The following MECR variants were observed in gnomAD, a reference collection of about 807,000 sequenced individuals.
The protein encoded by MECR is mitochondrial trans-2-enoyl-CoA reductase.
A neutral mutation model predicts 49.1 loss-of-function variants in MECR; 37 were observed. That is an observed-to-expected ratio of 0.75 (90% confidence interval 0.58 to 0.99). The LOEUF (loss-of-function observed/expected upper bound fraction) is 0.99, where lower values mean the gene tolerates loss of function less well. Ranked by LOEUF, MECR falls within the 50% of genes least tolerant of loss-of-function variation. The probability of loss-of-function intolerance (pLI) is 0.00; values close to 1 mark genes in which losing one functional copy is unlikely to be tolerated. For missense variants in MECR, 470 were observed against 479.6 expected (o/e 0.98, Z 0.19); for synonymous variants, 198 against 191.1 (o/e 1.04, Z -0.30).
chr1:29,174,468 G>A, the MECR span, among the ~76,000 whole-genome samples: 1 of 152,112 alleles, frequency 6.6e-6, no homozygotes, highest in Admixed American at 6.6e-5. Context: ...TTCTGATTAT[G>A]TCCATTAAAT....
Position 29,206,840 on chromosome 1 carries a change from G to A in MECR, c.472C>T (p.Leu158Phe), listed in dbSNP as rs1676714524. Reference protein sequence around the residue: ...ALIQVPSDIPLQSAATLGVNP... With the variant: ...ALIQVPSDIPFQSAATLGVNP... The stretch of plus-strand genomic sequence containing the variant: ...ACACCCAGGGTGGCAGCGCTCTGAA[G>A]AGGGATGTCACTCGGAACTTGGATC... Residue 158 changes from leucine to phenylalanine, a missense_variant, in exon 4 of 10, where the codon CTT (leucine) becomes TTT (phenylalanine). Physicochemically the swap from Leu to Phe is conservative, Grantham distance 22. Coordinates refer to ENST00000263702, the MANE Select transcript of MECR (RefSeq NM_016011.5). The A allele has an allele frequency of 6.2e-7, 1 of 1,614,228 alleles. No homozygotes were observed. Among genetic ancestry groups the A allele is most frequent in the Non-Finnish European group, 8.5e-7 (1 of 1,180,046 alleles).
downstream of MECR, among the ~76,000 whole-genome samples, chr1:29,191,955 G>A (rs187589362): frequency 1.0e-3 from 152 of 152,210 alleles, no homozygotes; most frequent in Middle Eastern, 6.8e-3. Flanking sequence ...AGCCAGGTGT[G>A]GTGGCATACA....
At position 29,201,654 on chromosome 1, in the gene MECR, G is replaced by A. The variant is rs138669092; in HGVS notation, c.756+289C>T. On this transcript the variant is annotated intron_variant, in intron 6 of 9. Coordinates refer to ENST00000263702, the MANE Select transcript of MECR (RefSeq NM_016011.5). The surrounding 1 kb of genome is among the most constrained non-coding windows in gnomAD (Gnocchi z 4.3). ...TGTTTCCTCAGGTCCTCTCCTGCCA[G>A]TTCTAAGAGTCACACATGTGGGCTG... 1.2e-3 allele frequency: 605 copies of A among 524,994 alleles called. No homozygotes were observed. The highest frequency in any genetic ancestry group is 2.5e-3 in the Admixed American group (78 of 31,680). The allele number at this position is 524,994 out of a possible 1,614,324, so 32.5% of individuals were successfully genotyped here.
chr1:29,222,706 G>T (rs1681073264), intron 1 of MECR, among the ~76,000 whole-genome samples: 3 of 152,188 alleles, frequency 2.0e-5, no homozygotes, highest in South Asian at 4.1e-4. Flanking sequence ...GAGAAGGAGA[G>T]TGAAGAGGGC....
chr1:29,182,890 A>G, the MECR span, among the ~76,000 whole-genome samples: 1 of 152,222 alleles, frequency 6.6e-6, no homozygotes, highest in Non-Finnish European at 1.5e-5. Context: ...ATGTATACCC[A>G]TCTCAAGGAT....
At chr1:29,167,784 C>CTATT in the MECR span, among the ~76,000 whole-genome samples, 1 of 152,192 alleles carries the variant, frequency 6.6e-6, no homozygotes, top group African/African-American at 2.4e-5. Context: ...TATCTGTTGG[C>CTATT]TATTTAGCAC....
At chr1:29,203,477 T>G (rs1675834484) in intron 4 of MECR, among the ~76,000 whole-genome samples, 2 of 152,234 alleles carry the variant, frequency 1.3e-5, no homozygotes, top group Non-Finnish European at 2.9e-5. Flanking sequence ...CTGGATATAA[T>G]TTAGACCCTG....
the MECR span, among the ~76,000 whole-genome samples, chr1:29,180,602 G>A: frequency 2.0e-5 from 3 of 152,162 alleles, no homozygotes; most frequent in South Asian, 6.2e-4. Flanking sequence ...TTGCAAAGTA[G>A]AGTTTCTTTT....
chr1:29,196,233 C>T lies in MECR; in HGVS notation c.856G>A (p.Gly286Arg). 6.2e-7 allele frequency: 1 copy of T among 1,613,638 alleles called. No homozygotes were observed. Among genetic ancestry groups the T allele is most frequent in the Non-Finnish European group, 8.5e-7 (1 of 1,179,654 alleles). ...ACGACGGGCTGCTTGGCCATCCCCC[C>T]ATAGGTTACCATGGTTCCTCCACGC... is the stretch of plus-strand genomic sequence containing the variant. ...LARGGTMVTY[G>R]GMAKQPVVAS... is the part of the protein sequence containing the mutation. The change falls in exon 8 of 10, where the codon GGG becomes AGG. Residue 286 changes from glycine (G) to arginine (R), a missense_variant. By Grantham distance (125) the Gly-to-Arg change is moderately radical. Transcript: ENST00000263702.
In MECR at chr1:29,201,007, G is replaced by T. The variant is rs543287980; in HGVS notation, c.757-418C>A. Among the ~76,000 whole-genome samples, 1 of 152,218 alleles carries T rather than the reference G, an allele frequency of 6.6e-6. No individual in the cohort carries two copies. The highest frequency in any genetic ancestry group is 2.1e-4 in the South Asian group (1 of 4,814). On this transcript the variant is annotated intron_variant, in intron 6 of 9. Coordinates refer to ENST00000263702, the MANE Select transcript of MECR (RefSeq NM_016011.5). This position sits in a 1 kb window ranked among gnomAD's most constrained non-coding sequence, Gnocchi z 4.3. ...ACAGAGGTCTCACTATGTTGCTCAG[G>T]CTAGTCTCAAACTCTCAGACTCAAG...
chr1:29,215,092 T>C (rs1679044125), intron 3 of MECR, among the ~76,000 whole-genome samples: 1 of 152,198 alleles, frequency 6.6e-6, no homozygotes, highest in African/African-American at 2.4e-5. Context: ...TAGCTCACTG[T>C]AGCCTAGAAC....
chr1:29,195,541 T>C (rs534698873), intron 9 of MECR, among the ~76,000 whole-genome samples: 1 of 151,690 alleles, frequency 6.6e-6, no homozygotes, highest in African/African-American at 2.4e-5. Flanking sequence ...CTAACAAGAG[T>C]TTAAACTTAG....
At chr1:29,191,927 A>G (rs895375986), downstream of MECR, among the ~76,000 whole-genome samples, 3 of 152,014 alleles carry the variant, frequency 2.0e-5, no homozygotes, top group Admixed American at 6.6e-5. Flanking sequence ...CCCCATCTCT[A>G]CTAAAAATAC....
the MECR span, chr1:29,172,156 AT>A: frequency 6.6e-6 from 1 of 152,216 alleles, no homozygotes; most frequent in Non-Finnish European, 1.5e-5. Flanking sequence ...ATAAAAAAAA[AT>A]TTGATCACAT....
chr1:29,209,596 G>T (rs1328236123), intron 3 of MECR, among the ~76,000 whole-genome samples: 1 of 152,158 alleles, frequency 6.6e-6, no homozygotes, highest in Non-Finnish European at 1.5e-5. Context: ...ATGGATTTGA[G>T]TTCTATTTTA....
At chr1:29,183,619 T>C in the MECR span, among the ~76,000 whole-genome samples, 1 of 152,228 alleles carries the variant, frequency 6.6e-6, no homozygotes, top group African/African-American at 2.4e-5. Flanking sequence ...GAGTCTTTCT[T>C]CATATGTTTG....
At chr1:29,209,502 A>G (rs1677423760) in intron 3 of MECR, among the ~76,000 whole-genome samples, 1 of 151,890 alleles carries the variant, frequency 6.6e-6, no homozygotes, top group Non-Finnish European at 1.5e-5. Context: ...GGCAGCGTGG[A>G]AGCCAGAGGT....
intron 1 of MECR, chr1:29,230,496 A>G: frequency 1.9e-6 from 1 of 529,820 alleles, no homozygotes; most frequent in South Asian, 2.5e-5. Flanking sequence ...ATTGCCTGAC[A>G]CAATATTCGA....
At chr1:29,175,694 C>CAAA in the MECR span, among the ~76,000 whole-genome samples, 5,295 of 38,404 alleles carry the variant, frequency 0.14, 1,351 homozygotes, top group Non-Finnish European at 0.16. Context: ...GACGCTGTCT[C>CAAA]AAAAAAAAAA....
Sources: gnomAD v4.1 joint callset for allele counts (sites outside exome capture counted in the v4.1 genomes callset) on GRCh38, gnomAD v4.1.1 for gene constraint, Gnocchi (gnomAD v3.1) non-coding constraint, MANE v1.5 for transcripts, NCBI Gene and HGNC (gene_info 2026-07-23, HGNC 2026-07-21) for gene names.